The following GAREM2 variants were observed in gnomAD, a reference collection of about 807,000 sequenced individuals.
GAREM2 encodes GRB2-associated and regulator of MAPK protein 2.
A neutral mutation model predicts 55.6 loss-of-function variants in GAREM2; 30 were observed. The observed-to-expected ratio is 0.54, with a 90% CI of 0.40 to 0.73. The LOEUF is 0.73. Ranked by LOEUF, GAREM2 falls within the 30% of genes least tolerant of loss-of-function variation. The pLI is 0.00. For missense variants in GAREM2, 1,075 were observed against 1,257.7 expected (o/e 0.85, Z 2.20); for synonymous variants, 550 against 569.1 (o/e 0.97, Z 0.48).
At chr2:26,182,728 C>T (rs1669093346) in intron 2 of GAREM2, among the ~76,000 whole-genome samples, 1 of 152,180 alleles carries the variant, frequency 6.6e-6, no homozygotes, top group Non-Finnish European at 1.5e-5. Flanking sequence ...CCCACAGGCT[C>T]TCTATGGGGG....
the GAREM2 span, among the ~76,000 whole-genome samples, chr2:26,199,719 A>G: frequency 2.6e-5 from 4 of 152,086 alleles, no homozygotes; most frequent in East Asian, 7.7e-4. Flanking sequence ...TATTTTTTAA[A>G]TTATTTATCT....
rs1016889915 is a variant in GAREM2, at chr2:26,189,604, A to T, written c.*1347A>T. Reference sequence around the variant, plus strand: ...ATTTGGTTTTCTTGCAGATCATTTAATGAATCCTCAAGGACTAATGAAATA... The same window carrying T: ...ATTTGGTTTTCTTGCAGATCATTTATTGAATCCTCAAGGACTAATGAAATA... On this transcript the variant is annotated 3_prime_UTR_variant, in exon 6 of 6. Coordinates refer to ENST00000401533, the MANE Select transcript of GAREM2 (RefSeq NM_001168241.2). The T allele has an allele frequency of 1.3e-5, 2 of 152,216 alleles. No individual in the cohort carries two copies. Among genetic ancestry groups the T allele is most frequent in the Non-Finnish European group, 2.9e-5 (2 of 68,042 alleles). The allele number at this position is 152,216 out of a possible 1,614,324, so 9.4% of individuals were successfully genotyped here.
chr2:26,188,341 A>G lies in GAREM2; in HGVS notation c.*84A>G, dbSNP rs1669364639. The G allele has an allele frequency of 1.8e-6, 2 of 1,084,334 alleles. No individual in the cohort carries two copies. Among genetic ancestry groups the G allele is most frequent in the Non-Finnish European group, 2.5e-6 (2 of 787,978 alleles). The allele number at this position is 1,084,334 out of a possible 1,614,324, so 67.2% of individuals were successfully genotyped here. A position where few individuals can be genotyped will look rare whatever the true frequency, so the allele number is the denominator to read the frequency against. ...TCCGGAGGAGCAGGTGCTGCCTGCA[A>G]GAAGGATCTATGTCGAGACTGAGGC... On this transcript the variant is annotated 3_prime_UTR_variant, in exon 6 of 6. Coordinates refer to ENST00000401533, the MANE Select transcript of GAREM2 (RefSeq NM_001168241.2).
the GAREM2 span, among the ~76,000 whole-genome samples, chr2:26,199,566 T>C: frequency 6.6e-6 from 1 of 152,176 alleles, no homozygotes; most frequent in East Asian, 1.9e-4. Context: ...ATGTCTTTTC[T>C]CCCAGCTAGA....
the GAREM2 span, among the ~76,000 whole-genome samples, chr2:26,196,463 CTGT>C: frequency 6.6e-6 from 1 of 152,108 alleles, no homozygotes; most frequent in Non-Finnish European, 1.5e-5. Context: ...GTTTTGACAA[CTGT>C]ATATACATCC....
the GAREM2 span, among the ~76,000 whole-genome samples, chr2:26,195,565 G>A: frequency 2.8e-5 from 4 of 140,678 alleles, no homozygotes; most frequent in African/African-American, 7.8e-5. Context: ...TAATGATACT[G>A]ATGGTTTAGA....
chr2:26,184,657 C>T lies in GAREM2; in HGVS notation c.809C>T (p.Pro270Leu). 1 of 1,544,680 alleles carries T rather than the reference C, an allele frequency of 6.5e-7. No individual in the cohort carries two copies. Among genetic ancestry groups the T allele is most frequent in the Non-Finnish European group, 8.7e-7 (1 of 1,144,582 alleles). Reference sequence around the variant, plus strand: ...AGGCTGCCGGTGAACGTGCTGGTGCCCAGCCGGCCGCCGCGCAACCCCTAC... The same window carrying T: ...AGGCTGCCGGTGAACGTGCTGGTGCTCAGCCGGCCGCCGCGCAACCCCTAC... The part of the protein sequence containing the change: ...RVRLPVNVLV[P>L]SRPPRNPYDL... The change falls in exon 4 of 6, where the codon CCC (proline) becomes CTC (leucine). Residue 270 changes from proline (P) to leucine (L), a missense_variant. This residue lies in a region of GAREM2 where 170 missense variants were observed against 220.7 expected (regional missense o/e 0.77). Transcript: ENST00000401533.
chr2:26,182,993 C>T lies in GAREM2; in HGVS notation c.280C>T (p.Arg94Trp), dbSNP rs1479151031. The change falls in exon 3 of 6, where the codon CGG becomes TGG. Residue 94 changes from arginine to tryptophan, a missense_variant. Arg to Trp is a moderately radical substitution (Grantham distance 101). Coordinates refer to ENST00000401533, the MANE Select transcript of GAREM2 (RefSeq NM_001168241.2). ...GAAGTTCAAGCTCCTGGAACAGGCCCGGGATGTGCGGGAGCCAGTGAGGTA... is the reference window on the plus strand; with the variant it reads ...GAAGTTCAAGCTCCTGGAACAGGCCTGGGATGTGCGGGAGCCAGTGAGGTA... ...PGKFKLLEQARDVREPVRYFS... is the reference protein window; with the variant it reads ...PGKFKLLEQAWDVREPVRYFS... The T allele has an allele frequency of 3.9e-6, 6 of 1,551,526 alleles. No individual in the cohort carries two copies. Among genetic ancestry groups the T allele is most frequent in the South Asian group, 1.2e-5 (1 of 84,062 alleles).
chr2:26,177,727 A>G (rs758032243), intron 2 of GAREM2, among the ~76,000 whole-genome samples: 1 of 152,106 alleles, frequency 6.6e-6, no homozygotes, highest in Non-Finnish European at 1.5e-5. Flanking sequence ...CCGAGGTTCA[A>G]GGGATTCTCC....
chr2:26,201,961 ATTT>A, the GAREM2 span, among the ~76,000 whole-genome samples: 19 of 137,160 alleles, frequency 1.4e-4, no homozygotes, highest in Non-Finnish European at 1.3e-4. Context: ...CGCCTGGCTA[ATTT>A]TTTTTTTTTT....
chr2:26,195,647 T>C, the GAREM2 span, among the ~76,000 whole-genome samples: 6 of 152,068 alleles, frequency 3.9e-5, no homozygotes, highest in Admixed American at 3.9e-4. Flanking sequence ...GTCAGAGAAG[T>C]ATTTGCATTT....
At chr2:26,200,390 T>C in the GAREM2 span, among the ~76,000 whole-genome samples, 1 of 152,204 alleles carries the variant, frequency 6.6e-6, no homozygotes, top group Non-Finnish European at 1.5e-5. Context: ...CTTCAAGTAC[T>C]TGTTTTGTTC....
intron 3 of GAREM2, among the ~76,000 whole-genome samples, chr2:26,183,916 T>C (rs908681756): frequency 1.3e-5 from 2 of 152,266 alleles, no homozygotes; most frequent in African/African-American, 4.8e-5. Context: ...CTGCATACTT[T>C]AAAATATGTT....
At chr2:26,203,979 A>T in the GAREM2 span, 2 of 1,385,818 alleles carry the variant, frequency 1.4e-6, no homozygotes, top group Non-Finnish European at 2.1e-6. Flanking sequence ...ACAAACAAAA[A>T]AACCCACCAA....
At position 26,187,242 on chromosome 2, in the gene GAREM2, G is replaced by T; in HGVS notation, c.1610G>T (p.Arg537Leu). The T allele has an allele frequency of 6.9e-7, 1 of 1,449,376 alleles. No individual in the cohort carries two copies. Among genetic ancestry groups the T allele is most frequent in the East Asian group, 2.5e-5 (1 of 39,606 alleles). The allele number at this position is 1,449,376 out of a possible 1,614,324, so 89.8% of individuals were successfully genotyped here. Reference sequence around the variant, plus strand: ...GTCTCTGTCCACAGGGCGGGTTCCCGCAGTGGCAGTGGCTCCCCATCGCCG... The same window carrying T: ...GTCTCTGTCCACAGGGCGGGTTCCCTCAGTGGCAGTGGCTCCCCATCGCCG... ...SSGLQDGAGS[R>L]SGSGSPSPDT... Residue 537 changes from arginine (R) to leucine (L), a missense_variant, in exon 6 of 6, where the codon CGC (arginine) becomes CTC (leucine). Around this residue, in one of 6 missense-constraint regions of GAREM2, gnomAD observed 515 missense variants for 501.5 expected, o/e 1.03. Transcript: ENST00000401533.
In GAREM2 at chr2:26,186,322, C is replaced by T. The variant is rs1369104485; in HGVS notation, c.1562C>T (p.Ser521Phe). 2 of 1,551,744 alleles carry T rather than the reference C, an allele frequency of 1.3e-6. No homozygotes were observed. The highest frequency in any genetic ancestry group is 1.7e-6 in the Non-Finnish European group (2 of 1,147,030). ...PKLQPVHSPS[S>F]SLSYYSSGLQ... Reference sequence around the variant, plus strand: ...CTGCAGCCGGTACATTCCCCCAGCTCCAGCCTCTCCTACTACTCCTCTGGC... The same window carrying T: ...CTGCAGCCGGTACATTCCCCCAGCTTCAGCCTCTCCTACTACTCCTCTGGC... Residue 521 changes from serine to phenylalanine, a missense_variant, in exon 5 of 6, where the codon TCC becomes TTC. Transcript: ENST00000401533.
In GAREM2 at chr2:26,184,286, T is replaced by C; in HGVS notation, c.438T>C (p.His146=). 1 of 1,551,092 alleles carries C rather than the reference T, an allele frequency of 6.4e-7. No individual in the cohort carries two copies. Among genetic ancestry groups the C allele is most frequent in the Non-Finnish European group, 8.7e-7 (1 of 1,146,848 alleles). ...GCGAGGTGTACAACTTCACGCTGCA[T>C]GCGGGCGACGAGCTCACTCTTATGG... ...EDSEVYNFTL[H]AGDELTLMGQ... is the part of the protein sequence containing the mutation. The change falls in exon 4 of 6, where the codon CAT becomes CAC. Residue 146 remains histidine (H), a synonymous_variant. Transcript: ENST00000401533.
At chr2:26,176,610 G>A (rs1668874825) in intron 2 of GAREM2, 126 bp downstream of exon 2, 2 of 920,336 alleles carry the variant, frequency 2.2e-6, no homozygotes, top group Non-Finnish European at 2.9e-6. Flanking sequence ...TGGAGTCAGA[G>A]CCCAGCAGTT....
chr2:26,193,447 A>G, downstream of GAREM2: 1 of 831,516 alleles, frequency 1.2e-6, no homozygotes, highest in East Asian at 2.4e-5. Flanking sequence ...CATTTTTGAA[A>G]TCGCCAGTGA....
Sources: allele counts gnomAD v4.1 joint callset (sites outside exome capture counted in the v4.1 genomes callset), GRCh38; gene constraint gnomAD v4.1.1; regional missense constraint gnomAD v4.1.1; transcripts MANE v1.5; gene names NCBI Gene and HGNC (gene_info 2026-07-23, HGNC 2026-07-21).